SLC36A2: variants seen among roughly 807,000 people sequenced by gnomAD.
The protein encoded by SLC36A2 is solute carrier family 36 member 2, also known as proton-coupled amino acid transporter 2.
In SLC36A2, 39 loss-of-function variants were observed where a neutral mutation model predicts 42.7. That is an observed-to-expected ratio of 0.91 (90% confidence interval 0.71 to 1.19). The LOEUF (loss-of-function observed/expected upper bound fraction) is 1.19, where lower values mean the gene tolerates loss of function less well. SLC36A2 is among the 50% of genes most tolerant of loss of function. The probability of loss-of-function intolerance (pLI) is 0.00; values close to 1 mark genes in which losing one functional copy is unlikely to be tolerated. For synonymous variants in SLC36A2, 237 were observed against 240.8 expected, an observed-to-expected ratio of 0.98 and a Z score of 0.15; for missense variants, 590 against 613.7, an observed-to-expected ratio of 0.96 and a Z score of 0.41.
At chr5:151,334,450 G>A (rs997643197) in intron 6 of SLC36A2, among the ~76,000 whole-genome samples, 1 of 151,950 alleles carries the variant, frequency 6.6e-6, no homozygotes, top group African/African-American at 2.4e-5. Context: ...AGCACTTTGG[G>A]GGGGCCAAGG....
intron 5 of SLC36A2, among the ~76,000 whole-genome samples, chr5:151,336,459 CTTTT>C (rs769643262): frequency 0.011 from 1,261 of 113,196 alleles, 12 homozygotes; most frequent in African/African-American, 0.038. Flanking sequence ...TTCCCTCAAT[CTTTT>C]TTTTTTTTTT....
Position 151,322,054 on chromosome 5 carries a change from C to T in SLC36A2, c.1172G>A (p.Cys391Tyr). ...LDLSIRLVMV[C>Y]LTCLLAILIP... is the part of the protein sequence containing the mutation. ...CTCTCCTTTCTACTCACATGTCAGGCAGACCATGACGAGGCGAATGGACAG... is the reference window on the plus strand; with the variant it reads ...CTCTCCTTTCTACTCACATGTCAGGTAGACCATGACGAGGCGAATGGACAG... The change falls in exon 9 of 10, where the codon TGC becomes TAC. Residue 391 changes from cysteine to tyrosine, a missense_variant. Cys to Tyr is a radical substitution (Grantham distance 194). Coordinates refer to ENST00000335244, the MANE Select transcript of SLC36A2 (RefSeq NM_181776.3). The T allele has an allele frequency of 6.2e-7, 1 of 1,614,170 alleles. No homozygotes were observed. The highest frequency in any genetic ancestry group is 8.5e-7 in the Non-Finnish European group (1 of 1,180,014).
intron 4 of SLC36A2, among the ~76,000 whole-genome samples, chr5:151,340,313 A>G (rs967249398): frequency 6.6e-6 from 1 of 151,976 alleles, no homozygotes; most frequent in Admixed American, 6.6e-5. Context: ...GAAGACGAGG[A>G]GGAGGAGGAG....
At chr5:151,329,711 G>A (rs960247297) in intron 7 of SLC36A2, among the ~76,000 whole-genome samples, 1 of 152,106 alleles carries the variant, frequency 6.6e-6, no homozygotes, top group Non-Finnish European at 1.5e-5. Context: ...AACAAACTCA[G>A]TAAATTTGAG....
intron 8 of SLC36A2, among the ~76,000 whole-genome samples, chr5:151,324,681 A>G (rs1260792450): frequency 6.6e-6 from 1 of 152,032 alleles, no homozygotes; most frequent in Non-Finnish European, 1.5e-5. Context: ...CTCAGGCTGG[A>G]GTGGAGTGCA....
At chr5:151,330,750 G>A in intron 7 of SLC36A2, among the ~76,000 whole-genome samples, 1 of 152,122 alleles carries the variant, frequency 6.6e-6, no homozygotes. Flanking sequence ...GATACATAAG[G>A]CAATACAACA....
intron 6 of SLC36A2, among the ~76,000 whole-genome samples, chr5:151,334,453 G>T (rs902920523): frequency 6.6e-6 from 1 of 151,510 alleles, no homozygotes; most frequent in Non-Finnish European, 1.5e-5. Context: ...ACTTTGGGGG[G>T]GCCAAGGCGG....
intron 7 of SLC36A2, among the ~76,000 whole-genome samples, chr5:151,331,108 A>C (rs987831517): frequency 1.3e-5 from 2 of 152,168 alleles, no homozygotes; most frequent in African/African-American, 4.8e-5. Context: ...CCTTTTCAAC[A>C]AATTGTGCTG....
intron 1 of SLC36A2, among the ~76,000 whole-genome samples, chr5:151,346,611 A>C (rs903044388): frequency 6.6e-6 from 1 of 151,762 alleles, no homozygotes; most frequent in Non-Finnish European, 1.5e-5. Flanking sequence ...TCACTACCAC[A>C]CCCCACACCT....
In SLC36A2 at chr5:151,325,357, CATGCCAATGTATAGGGA is replaced by C. The variant is rs1173236116; in HGVS notation, c.922_938del (p.Ser308GlyfsTer11). The C allele has an allele frequency of 1.2e-5, 20 of 1,614,196 alleles. No homozygotes were observed. Among genetic ancestry groups the C allele is most frequent in the Non-Finnish European group, 1.7e-5 (20 of 1,180,038 alleles). On this transcript the variant is annotated frameshift_variant, in exon 8 of 10. Transcript: ENST00000335244. LOFTEE classifies it high-confidence loss of function. Reference sequence around the variant, plus strand: ...CAAACCGCAGGTAGCCCAGAGCCGCCATGCCAATGTATAGGGAAGTGACGATGGACATTCCCAAAGAC... The same window carrying C: ...CAAACCGCAGGTAGCCCAGAGCCGCCAGTGACGATGGACATTCCCAAAGAC...
chr5:151,333,378 T>A, intron 6 of SLC36A2, 56 bp from the exon 7 acceptor site: 1 of 1,438,950 alleles, frequency 6.9e-7, no homozygotes, highest in South Asian at 1.1e-5. Flanking sequence ...TTTGAGCTCC[T>A]TTAAGAGAAG....
chr5:151,337,505 C>T (rs1339146974), intron 5 of SLC36A2, among the ~76,000 whole-genome samples: 1 of 152,074 alleles, frequency 6.6e-6, no homozygotes, highest in Non-Finnish European at 1.5e-5. Context: ...CAGTGTTTGC[C>T]TTGATAATAA....
chr5:151,336,319 T>C (rs1283284419), intron 5 of SLC36A2, among the ~76,000 whole-genome samples: 1 of 152,166 alleles, frequency 6.6e-6, no homozygotes, highest in Non-Finnish European at 1.5e-5. Context: ...TTAATTCCGA[T>C]AGTGGAGGCT....
intron 4 of SLC36A2, 57 bp downstream of exon 4, chr5:151,342,831 G>A: frequency 1.4e-6 from 2 of 1,438,804 alleles, no homozygotes; most frequent in Admixed American, 1.7e-5. Flanking sequence ...CACCCTGATA[G>A]CAGCATTTTC....
intron 5 of SLC36A2, 24 bp downstream of exon 5, chr5:151,339,036 C>A: frequency 6.4e-7 from 1 of 1,569,348 alleles, no homozygotes; most frequent in South Asian, 1.1e-5. Flanking sequence ...CTTTTCCCCT[C>A]CCGTTTTCTC....
intron 5 of SLC36A2, chr5:151,338,589 T>A (rs1756223765): frequency 6.2e-6 from 1 of 161,266 alleles, no homozygotes; most frequent in Non-Finnish European, 1.4e-5. Flanking sequence ...GGTGGGAGAA[T>A]CACTTGAGCC....
chr5:151,317,890 C>A (rs980365448), intron 9 of SLC36A2, among the ~76,000 whole-genome samples: 1 of 152,148 alleles, frequency 6.6e-6, no homozygotes, highest in Non-Finnish European at 1.5e-5. Context: ...ATATAAGCTC[C>A]AGAGCCTTGA....
intron 9 of SLC36A2, among the ~76,000 whole-genome samples, chr5:151,320,733 C>G (rs1216692736): frequency 6.6e-6 from 1 of 152,192 alleles, no homozygotes; most frequent in Non-Finnish European, 1.5e-5. Flanking sequence ...GGAATGTGAT[C>G]CCAGCCTTGC....
chr5:151,318,849 A>C (rs1262465996), intron 9 of SLC36A2, among the ~76,000 whole-genome samples: 2 of 152,158 alleles, frequency 1.3e-5, no homozygotes, highest in African/African-American at 4.8e-5. Flanking sequence ...TTTTGAAATT[A>C]TATTTTTTTA....
Sources: allele counts gnomAD v4.1 joint callset (sites outside exome capture counted in the v4.1 genomes callset), GRCh38; gene constraint gnomAD v4.1.1; transcripts MANE v1.5; gene names NCBI Gene and HGNC (gene_info 2026-07-23, HGNC 2026-07-21).